Variants in RARB observed in about 807,000 individuals in gnomAD.
The protein encoded by RARB is HBV-activated protein.
RARB carries 17 observed loss-of-function variants against 51.9 expected under a neutral mutation model. That is an observed-to-expected ratio of 0.33 (90% CI 0.22 to 0.49). The LOEUF is 0.49. Ranked by LOEUF, RARB falls within the 20% of genes least tolerant of loss-of-function variation. The pLI is 0.99. For synonymous variants in RARB, 215 were observed against 195.4 expected (o/e 1.10, Z -0.84); for missense variants, 369 against 550.8 (o/e 0.67, Z 3.30).
chr3:25,290,248 T>TA (rs1703754115), intron 5 of RARB, among the ~76,000 whole-genome samples: 1 of 152,128 alleles, frequency 6.6e-6, no homozygotes, highest in South Asian at 2.1e-4. Context: ...GCAATCTAGC[T>TA]AAAATGAAAT....
At chr3:25,167,629 A>C (rs182135210) in intron 4 of RARB, among the ~76,000 whole-genome samples, 1 of 152,162 alleles carries the variant, frequency 6.6e-6, no homozygotes, top group Non-Finnish European at 1.5e-5. Context: ...CTCCTCTACC[A>C]ATTTTATCTT....
At chr3:25,545,510 G>T (rs148784700) in intron 3 of RARB, among the ~76,000 whole-genome samples, 15 of 152,216 alleles carry the variant, frequency 9.9e-5, no homozygotes, top group African/African-American at 3.1e-4. Flanking sequence ...GTTCTCCTCA[G>T]ACCCAGCTGG....
intron 3 of RARB, among the ~76,000 whole-genome samples, chr3:25,066,897 C>T (rs759950699): frequency 1.1e-4 from 16 of 152,214 alleles, no homozygotes; most frequent in African/African-American, 2.6e-4. Flanking sequence ...CATGTATTCA[C>T]GGTGCTGAAG....
At chr3:24,867,837 A>G (rs1420959755) in intron 2 of RARB, among the ~76,000 whole-genome samples, 2 of 152,304 alleles carry the variant, frequency 1.3e-5, no homozygotes, top group East Asian at 1.9e-4. Context: ...CAAAAACAAC[A>G]AAAGGAAATG....
intron 5 of RARB, among the ~76,000 whole-genome samples, chr3:25,301,439 G>A (rs1474737352): frequency 3.2e-5 from 3 of 94,346 alleles, no homozygotes; most frequent in Admixed American, 2.9e-4. Context: ...GCTCTGTGCT[G>A]GTGATATAAC....
intron 4 of RARB, among the ~76,000 whole-genome samples, chr3:25,163,652 G>A (rs950652060): frequency 2.0e-5 from 3 of 151,716 alleles, no homozygotes; most frequent in Non-Finnish European, 4.4e-5. Flanking sequence ...CATGGCCCTT[G>A]GTGGTCAATA....
At chr3:25,465,143 C>T in intron 2 of RARB, among the ~76,000 whole-genome samples, 1 of 151,970 alleles carries the variant, frequency 6.6e-6, no homozygotes, top group Middle Eastern at 3.2e-3. Context: ...GCCAGAATAC[C>T]CCGTAGAAAA....
rs1219306602 is a variant in RARB at position 25,528,756 on chromosome 3, A to G, written c.448+27433A>G. On this transcript the variant is annotated intron_variant, in intron 3 of 7. Transcript: ENST00000330688. ...GAAAAAAGATTCTTATTTCTCCTCT[A>G]TTTGCATCTGTCCAGAGGACTACTC... 2.0e-5 allele frequency among the ~76,000 whole-genome samples: 3 copies of G among 152,036 alleles called. No individual in the cohort carries two copies. The East Asian group carries it at 5.8e-4, about 30-fold the overall frequency.
intron 2 of RARB, among the ~76,000 whole-genome samples, chr3:25,059,812 C>T (rs1020199460): frequency 6.6e-6 from 1 of 151,720 alleles, no homozygotes; most frequent in Non-Finnish European, 1.5e-5. Context: ...TCAGAGTTTG[C>T]TATAATCTCT....
At chr3:25,588,525 C>G (rs1445797218) in intron 5 of RARB, among the ~76,000 whole-genome samples, 1 of 152,108 alleles carries the variant, frequency 6.6e-6, no homozygotes, top group African/African-American at 2.4e-5. Flanking sequence ...TGCAGTGTAA[C>G]AAAATACCAC....
chr3:25,394,657 C>T (rs1310417140), intron 5 of RARB, among the ~76,000 whole-genome samples: 1 of 152,068 alleles, frequency 6.6e-6, no homozygotes, highest in Non-Finnish European at 1.5e-5. Context: ...TGTAATGCCT[C>T]TCTTTGTGTT....
At chr3:25,168,242 A>G (rs1189714833) in intron 4 of RARB, among the ~76,000 whole-genome samples, 1 of 152,012 alleles carries the variant, frequency 6.6e-6, no homozygotes, top group African/African-American at 2.4e-5. Context: ...CTTTTTTGAG[A>G]TGGAGTGTTG....
Position 25,464,545 on chromosome 3 carries a change from A to G in RARB, c.306+3204A>G, listed in dbSNP as rs111238016. Among the ~76,000 whole-genome samples, 1,456 of 152,270 alleles carry G rather than the reference A, an allele frequency of 9.6e-3. 30 individuals carry two copies. The highest frequency in any genetic ancestry group is 0.032 in the African/African-American group (1,338 of 41,540). On this transcript the variant is annotated intron_variant, in intron 2 of 7. Coordinates refer to ENST00000330688, the MANE Select transcript of RARB (RefSeq NM_000965.5). ...CTCTTCTCCCTGGTCATTGGGAAAG[A>G]CTTGGTCTACATTTAAGCTTGCTGG...
In RARB at chr3:24,979,638, C is replaced by T. The variant is rs187062278; in HGVS notation, c.-379-80487C>T. Among the ~76,000 whole-genome samples the T allele has an allele frequency of 8.6e-4, 130 of 151,386 alleles. 1 individual carries two copies. The highest frequency in any genetic ancestry group is 1.6e-3 in the Admixed American group (25 of 15,206). On this transcript the variant is annotated intron_variant, in intron 2 of 11. Transcript: ENST00000383772. ...TTCCATTTGCTTGATAGATCTTCCT[C>T]CATCCCTTTATTTTGAGCCTATGTG... is the stretch of plus-strand genomic sequence containing the variant.
intron 5 of RARB, among the ~76,000 whole-genome samples, chr3:25,255,681 T>C (rs916639388): frequency 1.3e-5 from 2 of 152,092 alleles, no homozygotes; most frequent in African/African-American, 4.8e-5. Flanking sequence ...AGAGAGACTT[T>C]GCGTTATATT....
At chr3:25,167,903 T>G (rs1700585056) in intron 4 of RARB, among the ~76,000 whole-genome samples, 3 of 152,234 alleles carry the variant, frequency 2.0e-5, no homozygotes, top group Non-Finnish European at 4.4e-5. Flanking sequence ...CTTACAGGAT[T>G]GCTCAATGGA....
At chr3:25,157,426 CAG>C (rs1700397186) in intron 4 of RARB, among the ~76,000 whole-genome samples, 3 of 148,730 alleles carry the variant, frequency 2.0e-5, no homozygotes, top group African/African-American at 7.5e-5. Context: ...TTTTTTGAGA[CAG>C]TGTCTCATCC....
intron 2 of RARB, among the ~76,000 whole-genome samples, chr3:24,878,589 G>T (rs2362773): frequency 6.6e-6 from 1 of 152,022 alleles, no homozygotes; most frequent in Non-Finnish European, 1.5e-5. Context: ...GTTATCAGGG[G>T]CTATTGTGTG....
At chr3:25,028,728 C>T (rs79422033) in intron 2 of RARB, among the ~76,000 whole-genome samples, 2,106 of 152,246 alleles carry the variant, frequency 0.014, 48 homozygotes, top group African/African-American at 0.048. Context: ...GCTGTCCCAC[C>T]TCTTCCTGTG....
Sources: allele counts gnomAD v4.1 joint callset (sites outside exome capture counted in the v4.1 genomes callset), GRCh38; gene constraint gnomAD v4.1.1; transcripts MANE v1.5; gene names NCBI Gene and HGNC (gene_info 2026-07-23, HGNC 2026-07-21).